EXTL3: variants seen among roughly 807,000 people sequenced by gnomAD.
EXTL3 encodes the protein exostosin like glycosyltransferase 3.
In EXTL3, 27 loss-of-function variants were observed where a neutral mutation model predicts 69.3. That is an observed-to-expected ratio of 0.39 (90% confidence interval 0.29 to 0.54). The LOEUF (loss-of-function observed/expected upper bound fraction) is 0.54. Ranked by LOEUF, EXTL3 falls within the 20% of genes least tolerant of loss-of-function variation. The pLI is 0.69. For synonymous variants in EXTL3, 511 were observed against 499.4 expected (o/e 1.02, Z -0.31); for missense variants, 1,003 against 1,231.8 (o/e 0.81, Z 2.78).
At chr8:28,725,134 T>G (rs1801386720) in intron 3 of EXTL3, among the ~76,000 whole-genome samples, 1 of 152,112 alleles carries the variant, frequency 6.6e-6, no homozygotes, top group Admixed American at 6.5e-5. Context: ...GTATATATGT[T>G]TTGTTGGAGG....
chr8:28,612,760 C>G (rs796322020), intron 2 of EXTL3, among the ~76,000 whole-genome samples: 4 of 151,962 alleles, frequency 2.6e-5, no homozygotes, highest in Non-Finnish European at 4.4e-5. Flanking sequence ...GCTTTGTTGC[C>G]GAGGCTGGAG....
chr8:28,691,329 A>C (rs1252130507), intron 1 of EXTL3, among the ~76,000 whole-genome samples: 1 of 152,242 alleles, frequency 6.6e-6, no homozygotes, highest in Non-Finnish European at 1.5e-5. Flanking sequence ...CTGTGGACTG[A>C]TGAAAACTTC....
intron 1 of EXTL3, among the ~76,000 whole-genome samples, chr8:28,692,344 AATT>A (rs902296453): frequency 1.3e-5 from 2 of 152,166 alleles, no homozygotes; most frequent in African/African-American, 4.8e-5. Context: ...GGAAGGGATC[AATT>A]ATTATTGTGT....
intron 1 of EXTL3, among the ~76,000 whole-genome samples, chr8:28,669,795 T>G (rs1807255814): frequency 6.6e-6 from 1 of 152,176 alleles, no homozygotes; most frequent in Non-Finnish European, 1.5e-5. Flanking sequence ...CGTTCCACTT[T>G]CAGCAAGCCT....
In EXTL3 at chr8:28,739,609, A is replaced by T. The variant is rs146465535; in HGVS notation, c.2421+1946A>T. Among the ~76,000 whole-genome samples, 10 of 152,192 alleles carry T rather than the reference A, an allele frequency of 6.6e-5. No homozygotes were observed. The East Asian group carries it at 1.7e-3, about 26-fold the overall frequency. On this transcript the variant is annotated intron_variant, in intron 5 of 6. Transcript: ENST00000220562. ...GCCTCCCAAAGTGTTGGGATTACAG[A>T]TGTGAGGAACCGTGCCTGACATATA...
At chr8:28,684,611 A>G (rs955557001) in intron 1 of EXTL3, among the ~76,000 whole-genome samples, 2 of 152,092 alleles carry the variant, frequency 1.3e-5, no homozygotes, top group Non-Finnish European at 2.9e-5. Flanking sequence ...GTATGGTGGT[A>G]CATGGCTGTA....
chr8:28,727,732 A>G (rs970502267), intron 3 of EXTL3, among the ~76,000 whole-genome samples: 8 of 152,172 alleles, frequency 5.3e-5, no homozygotes, highest in Admixed American at 3.3e-4. Context: ...CCCCAAAGCC[A>G]TGCTTTCTCC....
At chr8:28,713,050 C>T (rs962852449) in intron 1 of EXTL3, among the ~76,000 whole-genome samples, 1 of 152,228 alleles carries the variant, frequency 6.6e-6, no homozygotes, top group Non-Finnish European at 1.5e-5. Context: ...TACCCGCAAA[C>T]ATTCCCCGCC....
chr8:28,651,879 A>G (rs1806926032), intron 1 of EXTL3, among the ~76,000 whole-genome samples: 1 of 152,160 alleles, frequency 6.6e-6, no homozygotes, highest in African/African-American at 2.4e-5. Flanking sequence ...AGACTTCTGT[A>G]TCTACGAATT....
chr8:28,722,100 A>G lies in EXTL3; in HGVS notation c.2148+3893A>G, dbSNP rs551311423. On this transcript the variant is annotated intron_variant, in intron 3 of 6. Transcript: ENST00000220562. Reference sequence around the variant, plus strand: ...TGAGCAGAAGCCTGAATGAAGCGAGAGAGGAGGCCATGTAAATTCTGGAGG... The same window carrying G: ...TGAGCAGAAGCCTGAATGAAGCGAGGGAGGAGGCCATGTAAATTCTGGAGG... 1.2e-4 allele frequency among the ~76,000 whole-genome samples: 19 copies of G among 152,242 alleles called. No homozygotes were observed. In the South Asian group the frequency reaches 3.9e-3, roughly 32 times the overall value.
At chr8:28,722,774 TAAAA>T (rs397711641) in intron 3 of EXTL3, among the ~76,000 whole-genome samples, 3 of 97,600 alleles carry the variant, frequency 3.1e-5, no homozygotes, top group Admixed American at 1.1e-4. Flanking sequence ...ACCCTGTCTC[TAAAA>T]AAAAAAAAAA....
intron 1 of EXTL3, among the ~76,000 whole-genome samples, chr8:28,668,443 T>A (rs1486117909): frequency 6.8e-6 from 1 of 147,920 alleles, no homozygotes; most frequent in Non-Finnish European, 1.5e-5. Context: ...GCAATTCTCC[T>A]GCCTCAGCCT....
chr8:28,735,727 C>T (rs1301987565), intron 4 of EXTL3, among the ~76,000 whole-genome samples: 2 of 152,194 alleles, frequency 1.3e-5, no homozygotes, highest in Admixed American at 1.3e-4. Flanking sequence ...AGAATTCTTT[C>T]TTCTGGCAAA....
At chr8:28,739,039 G>A (rs534475095) in intron 5 of EXTL3, among the ~76,000 whole-genome samples, 1 of 152,152 alleles carries the variant, frequency 6.6e-6, no homozygotes, top group Admixed American at 6.5e-5. Flanking sequence ...TTCCCTAGGC[G>A]TTCTGTCTCA....
At chr8:28,665,314 A>G (rs1807179055) in intron 1 of EXTL3, among the ~76,000 whole-genome samples, 1 of 150,914 alleles carries the variant, frequency 6.6e-6, no homozygotes, top group South Asian at 2.1e-4. Flanking sequence ...ACCTCAGGTG[A>G]TCCACCCACC....
chr8:28,620,907 G>A (rs1164397731), upstream of EXTL3, among the ~76,000 whole-genome samples: 1 of 152,108 alleles, frequency 6.6e-6, no homozygotes, highest in Non-Finnish European at 1.5e-5. Flanking sequence ...TAGAGACTGG[G>A]TCTGGCTATC....
intron 1 of EXTL3, among the ~76,000 whole-genome samples, chr8:28,667,664 A>G (rs952833775): frequency 7.4e-6 from 1 of 135,590 alleles, no homozygotes; most frequent in African/African-American, 2.7e-5. Flanking sequence ...TCTGCCACTT[A>G]TTAGCTGTAT....
In EXTL3 at chr8:28,679,638, G is replaced by A. The variant is rs143318353; in HGVS notation, c.-52-33819G>A. Among the ~76,000 whole-genome samples, 9 of 151,646 alleles carry A rather than the reference G, an allele frequency of 5.9e-5. No homozygotes were observed. In the East Asian group the frequency reaches 9.7e-4, roughly 16 times the overall value. ...GTAGTCCCATCTATGCAGGAGGATCGCTTGAGCCCAGGAGTTCAAGGCTGC... is the reference window on the plus strand; with the variant it reads ...GTAGTCCCATCTATGCAGGAGGATCACTTGAGCCCAGGAGTTCAAGGCTGC... On this transcript the variant is annotated intron_variant, in intron 1 of 6. Coordinates refer to the EXTL3 transcript ENST00000523149.
intron 1 of EXTL3, among the ~76,000 whole-genome samples, chr8:28,632,192 AG>A (rs1386636759): frequency 6.6e-6 from 1 of 152,086 alleles, no homozygotes; most frequent in Non-Finnish European, 1.5e-5. Context: ...GGATCACCTG[AG>A]GTCAGGAGTT....
Sources: allele counts gnomAD v4.1 joint callset (sites outside exome capture counted in the v4.1 genomes callset), GRCh38; gene constraint gnomAD v4.1.1; transcripts MANE v1.5; gene names NCBI Gene and HGNC (gene_info 2026-07-23, HGNC 2026-07-21).